The following SORBS2 variants were observed in gnomAD, a reference collection of about 807,000 sequenced individuals.
SORBS2 encodes the protein sorbin and SH3 domain containing 2.
In SORBS2, 46 loss-of-function variants were observed where a neutral mutation model predicts 97.7. That is an observed-to-expected ratio of 0.47 (90% CI 0.37 to 0.60). SORBS2 has a LOEUF of 0.60. SORBS2 is among the 20% of genes least tolerant of loss of function. The pLI is 0.00. For missense variants in SORBS2, 1,316 were observed against 1,282.3 expected (o/e 1.03, Z -0.40); for synonymous variants, 476 against 473.4 (o/e 1.01, Z -0.07).
chr4:185,664,510 G>C (rs2097569201), intron 4 of SORBS2, among the ~76,000 whole-genome samples: 1 of 152,172 alleles, frequency 6.6e-6, no homozygotes, highest in Non-Finnish European at 1.5e-5. Context: ...GGCATGGGAG[G>C]AACCCACACC....
intron 2 of SORBS2, among the ~76,000 whole-genome samples, chr4:185,755,937 A>C (rs1351816204): frequency 6.6e-6 from 1 of 152,226 alleles, no homozygotes; most frequent in Non-Finnish European, 1.5e-5. Context: ...ACAGATCTGA[A>C]GTAAATATCA....
At chr4:185,683,156 A>G (rs2097899126) in intron 2 of SORBS2, among the ~76,000 whole-genome samples, 1 of 152,242 alleles carries the variant, frequency 6.6e-6, no homozygotes, top group Admixed American at 6.5e-5. Flanking sequence ...GCCTAGTGAT[A>G]GAAAACTTAA....
At chr4:185,875,268 A>C (rs1035204777) in intron 1 of SORBS2, among the ~76,000 whole-genome samples, 8 of 152,354 alleles carry the variant, frequency 5.3e-5, no homozygotes, top group African/African-American at 1.9e-4. Context: ...ACCACAAAAA[A>C]ATAAGCACAT....
chr4:185,937,021 T>C (rs1269251909), intron 1 of SORBS2, among the ~76,000 whole-genome samples: 3 of 152,274 alleles, frequency 2.0e-5, no homozygotes, highest in African/African-American at 4.8e-5. Flanking sequence ...CCAAATGTAA[T>C]TGAAATTCCA....
chr4:185,654,842 T>G (rs1392337286), intron 1 of SORBS2, among the ~76,000 whole-genome samples: 2 of 152,134 alleles, frequency 1.3e-5, no homozygotes, highest in Admixed American at 1.3e-4. Context: ...TAGACCTGAA[T>G]TTTTACATTC....
intron 4 of SORBS2, among the ~76,000 whole-genome samples, chr4:185,664,736 A>T (rs991925046): frequency 6.6e-6 from 1 of 152,254 alleles, no homozygotes; most frequent in Non-Finnish European, 1.5e-5. Flanking sequence ...CTTAAAAAAC[A>T]TATGGCTTAT....
chr4:185,667,224 A>G (rs560790599), intron 4 of SORBS2, among the ~76,000 whole-genome samples: 4 of 152,348 alleles, frequency 2.6e-5, no homozygotes, highest in Admixed American at 6.5e-5. Flanking sequence ...AGGTATTGTG[A>G]GATATTAGTA....
chr4:185,666,243 C>G (rs1582224195), intron 4 of SORBS2: 24 of 1,098,688 alleles, frequency 2.2e-5, no homozygotes, highest in Non-Finnish European at 2.8e-5. Context: ...GATAAATTAT[C>G]CAATTAACAA....
intron 1 of SORBS2, among the ~76,000 whole-genome samples, chr4:185,824,994 C>T (rs376624847): frequency 3.9e-5 from 6 of 152,178 alleles, no homozygotes; most frequent in African/African-American, 1.4e-4. Flanking sequence ...CTGAGAGGAA[C>T]ACCTGGGATT....
upstream of SORBS2, among the ~76,000 whole-genome samples, chr4:185,660,541 A>G (rs2097499837): frequency 6.6e-6 from 1 of 152,226 alleles, no homozygotes; most frequent in African/African-American, 2.4e-5. Flanking sequence ...AGACTTTAAT[A>G]AGTCCCGCGG....
intron 2 of SORBS2, among the ~76,000 whole-genome samples, chr4:185,738,541 C>T (rs1035113715): frequency 2.0e-5 from 3 of 152,076 alleles, no homozygotes; most frequent in African/African-American, 7.2e-5. Context: ...CTTTTTGTTT[C>T]GTGCCAAAAA....
At chr4:185,834,102 T>C (rs938968323) in intron 1 of SORBS2, among the ~76,000 whole-genome samples, 1 of 152,180 alleles carries the variant, frequency 6.6e-6, no homozygotes, top group Non-Finnish European at 1.5e-5. Context: ...AAGTATAAAA[T>C]ATATACACCT....
intron 1 of SORBS2, among the ~76,000 whole-genome samples, chr4:185,863,580 T>C (rs2099225133): frequency 1.3e-5 from 2 of 152,250 alleles, no homozygotes; most frequent in African/African-American, 4.8e-5. Context: ...TATTCAGTTT[T>C]CAAGTTTTTT....
At chr4:185,673,221 T>C (rs535666342) in intron 4 of SORBS2, among the ~76,000 whole-genome samples, 1 of 152,302 alleles carries the variant, frequency 6.6e-6, no homozygotes, top group South Asian at 2.1e-4. Flanking sequence ...TTATGCAAGA[T>C]GAATAAATCC....
chr4:185,800,201 C>CA (rs2099123578), intron 1 of SORBS2, among the ~76,000 whole-genome samples: 1 of 152,024 alleles, frequency 6.6e-6, no homozygotes, highest in Non-Finnish European at 1.5e-5. Context: ...TCTCAAAACA[C>CA]AAAAAATACA....
At chr4:185,601,601 G>T (rs1030573311) in intron 12 of SORBS2, among the ~76,000 whole-genome samples, 7 of 152,114 alleles carry the variant, frequency 4.6e-5, no homozygotes, top group Non-Finnish European at 7.4e-5. Context: ...TTTCTACGTT[G>T]TTTAAGCTAT....
In SORBS2 at chr4:185,780,317, G is replaced by C. The variant is rs112833216; in HGVS notation, c.-337-4951C>G. Among the ~76,000 whole-genome samples, 209 of 152,156 alleles carry C rather than the reference G, an allele frequency of 1.4e-3. 1 individual carries two copies. Among genetic ancestry groups the C allele is most frequent in the African/African-American group, 4.7e-3 (196 of 41,496 alleles). ...GGCGTGAGCCACTGCACCTGGCCTG[G>C]AGTAACACCTTTTATGCTTGTCTGC... On this transcript the variant is annotated intron_variant, in intron 1 of 20. Coordinates refer to the SORBS2 transcript ENST00000284776.
At chr4:185,592,311 A>G (rs919693768) in intron 13 of SORBS2, among the ~76,000 whole-genome samples, 1 of 152,236 alleles carries the variant, frequency 6.6e-6, no homozygotes, top group Non-Finnish European at 1.5e-5. Flanking sequence ...GGCTATAATC[A>G]AATATAAATT....
At chr4:185,648,502 C>T (rs1488688799) in intron 3 of SORBS2, among the ~76,000 whole-genome samples, 2 of 151,466 alleles carry the variant, frequency 1.3e-5, no homozygotes, top group Non-Finnish European at 2.9e-5. Flanking sequence ...AAAAAAAGTG[C>T]TGGGACTACA....
Sources: gnomAD v4.1 joint callset for allele counts (sites outside exome capture counted in the v4.1 genomes callset) on GRCh38, gnomAD v4.1.1 for gene constraint, MANE v1.5 for transcripts, NCBI Gene and HGNC (gene_info 2026-07-23, HGNC 2026-07-21) for gene names.